Variants in TET1 observed in about 807,000 individuals in gnomAD.
The protein encoded by TET1 is methylcytosine dioxygenase TET1.
In TET1, 13 loss-of-function variants were observed where a neutral mutation model predicts 148.7. That is an observed-to-expected ratio of 0.09 (90% confidence interval 0.06 to 0.14). The LOEUF is 0.14. Among genes scored for constraint, TET1 ranks in the 10% least tolerant of loss-of-function variants. The pLI, the probability that TET1 is intolerant of heterozygous loss-of-function variation, is 1.00. For synonymous variants in TET1, 907 were observed against 937.2 expected (o/e 0.97, Z 0.59); for missense variants, 2,182 against 2,553.8 (o/e 0.85, Z 3.14).
chr10:68,570,198 G>A (rs982122159), intron 1 of TET1, among the ~76,000 whole-genome samples: 4 of 151,680 alleles, frequency 2.6e-5, no homozygotes, highest in East Asian at 3.9e-4. Flanking sequence ...TCTGCCTCCC[G>A]GGTTCAAGTG....
intron 6 of TET1, among the ~76,000 whole-genome samples, chr10:68,652,799 C>T (rs565071698): frequency 8.6e-5 from 13 of 151,446 alleles, no homozygotes; most frequent in Non-Finnish European, 1.6e-4. Flanking sequence ...AGCAATCTTT[C>T]CACCTTAGCC....
chr10:68,566,224 T>G (rs1029237850), intron 1 of TET1, among the ~76,000 whole-genome samples: 5 of 152,228 alleles, frequency 3.3e-5, no homozygotes, highest in Non-Finnish European at 2.9e-5. Flanking sequence ...ATGACTAGAT[T>G]ATATACTCCT....
rs377548533 is a variant in TET1, at chr10:68,610,028, A to G, written c.1968+8994A>G. ...GCAGGGCACGGTGGCTCACCCTTAT[A>G]ATCACAGCACTGTGGGAGGCCGAGA... On this transcript the variant is annotated intron_variant, in intron 3 of 11. Transcript: ENST00000373644. Among the ~76,000 whole-genome samples the G allele has an allele frequency of 3.9e-5, 6 of 152,250 alleles. No individual in the cohort carries two copies. In the East Asian group the frequency reaches 1.2e-3, roughly 29 times the overall value.
chr10:68,663,561 C>T (rs947429535), intron 6 of TET1, among the ~76,000 whole-genome samples: 9 of 152,138 alleles, frequency 5.9e-5, no homozygotes, highest in Admixed American at 5.2e-4. Context: ...ATAATTGTGT[C>T]CTATTATTTT....
chr10:68,572,420 C>T lies in TET1; in HGVS notation c.82C>T (p.Arg28Ter), dbSNP rs1564947700. The T allele has an allele frequency of 6.2e-7, 1 of 1,613,476 alleles. No homozygotes were observed. Among genetic ancestry groups the T allele is most frequent in the Non-Finnish European group, 8.5e-7 (1 of 1,179,910 alleles). ...VNKKKKNSQL[R>*]KTTKGANKNV... ...CAAAAAAAAGAAAAACAGCCAACTA[C>T]GAAAGACAACCAAGGGAGCCAACAA... The change falls in exon 2 of 12, where the codon CGA becomes TGA. Residue 28 changes from arginine to a stop codon, truncating the protein, a stop_gained. Coordinates refer to ENST00000373644, the MANE Select transcript of TET1 (RefSeq NM_030625.3). LOFTEE classifies it high-confidence loss of function.
At chr10:68,615,003 C>T (rs367608860) in intron 3 of TET1, among the ~76,000 whole-genome samples, 41 of 151,196 alleles carry the variant, frequency 2.7e-4, no homozygotes, top group Admixed American at 2.3e-3. Context: ...GGTGTGATAT[C>T]GGCTCACTGC....
At chr10:68,632,630 A>G (rs1170680781) in intron 3 of TET1, 12 of 1,586,134 alleles carry the variant, frequency 7.6e-6, no homozygotes, top group Non-Finnish European at 1.0e-5. Flanking sequence ...CAAAGAATCC[A>G]GGAAAGAATT....
intron 6 of TET1, among the ~76,000 whole-genome samples, chr10:68,653,582 A>G (rs1006055478): frequency 3.3e-5 from 5 of 152,216 alleles, no homozygotes; most frequent in Non-Finnish European, 7.3e-5. Flanking sequence ...CCTATTCTAC[A>G]TATTGCATCT....
At chr10:68,683,647 C>T (rs904354184) in intron 10 of TET1, among the ~76,000 whole-genome samples, 9 of 152,154 alleles carry the variant, frequency 5.9e-5, no homozygotes, top group Non-Finnish European at 1.0e-4. Context: ...CTCATGACCT[C>T]GTGATCCGCC....
chr10:68,574,224 A>C lies in TET1; in HGVS notation c.1886A>C (p.Lys629Thr). ...AAAAGAAAATGTGAGGAGCTGAAAA[A>C]GAAACCATCTGTTGTTGTGCCTCTG... ...CKKRKCEELKKKPSVVVPLEV... is the reference protein window; with the variant it reads ...CKKRKCEELKTKPSVVVPLEV... The change falls in exon 2 of 12, where the codon AAG becomes ACG. Residue 629 changes from lysine to threonine, a missense_variant. Coordinates refer to ENST00000373644, the MANE Select transcript of TET1 (RefSeq NM_030625.3). The C allele has an allele frequency of 6.2e-7, 1 of 1,612,736 alleles. No individual in the cohort carries two copies.
At chr10:68,562,814 T>A (rs1157305100) in intron 1 of TET1, among the ~76,000 whole-genome samples, 1 of 152,142 alleles carries the variant, frequency 6.6e-6, no homozygotes, top group Non-Finnish European at 1.5e-5. Context: ...GTCCGTATCT[T>A]CCCTGCACAC....
intron 1 of TET1, among the ~76,000 whole-genome samples, chr10:68,566,951 A>T (rs1487241961): frequency 1.3e-5 from 2 of 151,888 alleles, no homozygotes; most frequent in Non-Finnish European, 2.9e-5. Context: ...TTCTCATGAT[A>T]ACCCAATGAG....
intron 2 of TET1, among the ~76,000 whole-genome samples, chr10:68,589,387 G>A (rs1408908754): frequency 6.6e-6 from 1 of 152,106 alleles, no homozygotes; most frequent in East Asian, 1.9e-4. Context: ...CAATTAGCAT[G>A]GAGCTAGCCT....
intron 7 of TET1, among the ~76,000 whole-genome samples, chr10:68,670,590 CTG>C (rs1401155798): frequency 6.6e-6 from 1 of 152,186 alleles, no homozygotes; most frequent in African/African-American, 2.4e-5. Flanking sequence ...CACATTTCCT[CTG>C]TGTTTCATTT....
chr10:68,564,156 CTT>C (rs775525720), intron 1 of TET1, among the ~76,000 whole-genome samples: 3 of 137,996 alleles, frequency 2.2e-5, no homozygotes. Context: ...CTATTGTTTT[CTT>C]TTTTTTTTTT....
intron 2 of TET1, among the ~76,000 whole-genome samples, chr10:68,583,842 C>T (rs991190929): frequency 5.3e-5 from 8 of 150,836 alleles, no homozygotes; most frequent in Non-Finnish European, 7.4e-5. Context: ...ACCTGGGAGG[C>T]GGAGGTTGCA....
At chr10:68,571,943 C>T (rs1330837495) in intron 1 of TET1, among the ~76,000 whole-genome samples, 1 of 152,062 alleles carries the variant, frequency 6.6e-6, no homozygotes, top group Non-Finnish European at 1.5e-5. Flanking sequence ...ATGGCGAAAA[C>T]ATGTCTCTAC....
chr10:68,632,313 T>C (rs2054585357), intron 3 of TET1: 3 of 1,403,126 alleles, frequency 2.1e-6, no homozygotes, highest in Middle Eastern at 2.5e-4. Context: ...CAGAGCCAGA[T>C]TCCCTTTCAA....
At position 68,640,724 on chromosome 10, in the gene TET1, T is replaced by C. The variant is rs2054739262; in HGVS notation, c.1969-3974T>C. On this transcript the variant is annotated intron_variant, in intron 3 of 11. Coordinates refer to ENST00000373644, the MANE Select transcript of TET1 (RefSeq NM_030625.3). ...CTGCCACCACACCCGGCTAATTTTT[T>C]TGTATTTTAGTAGAGATGGGATTTC... Among the ~76,000 whole-genome samples, 3 of 150,920 alleles carry C rather than the reference T, an allele frequency of 2.0e-5. 1 individual carries two copies. The Admixed American group carries it at 2.0e-4, about 10-fold the overall frequency.
Sources: allele counts gnomAD v4.1 joint callset (sites outside exome capture counted in the v4.1 genomes callset), GRCh38; gene constraint gnomAD v4.1.1; transcripts MANE v1.5; gene names NCBI Gene and HGNC (gene_info 2026-07-23, HGNC 2026-07-21).